The following NOS1AP variants were observed in gnomAD, a reference collection of about 807,000 sequenced individuals.
The protein encoded by NOS1AP is nitric oxide synthase 1 adaptor protein.
Under a neutral mutation model 56.2 loss-of-function variants are expected in NOS1AP, and 21 were observed. The ratio of observed to expected loss-of-function variants is 0.37; its 90% CI spans 0.26 to 0.54. The LOEUF (loss-of-function observed/expected upper bound fraction) is 0.54. Among genes scored for constraint, NOS1AP ranks in the 20% least tolerant of loss-of-function variants. NOS1AP has a pLI of 0.84. For missense variants in NOS1AP, 522 were observed against 657.8 expected (o/e 0.79, Z 2.26); for synonymous variants, 270 against 274.6 (o/e 0.98, Z 0.17).
intron 2 of NOS1AP, among the ~76,000 whole-genome samples, chr1:162,200,186 T>G (rs1651946641): frequency 6.6e-6 from 1 of 152,210 alleles, no homozygotes; most frequent in African/African-American, 2.4e-5. Flanking sequence ...ACTGGTCATC[T>G]GAAAGGGTAC....
intron 2 of NOS1AP, among the ~76,000 whole-genome samples, chr1:162,167,457 A>G (rs1650553350): frequency 6.6e-6 from 1 of 152,256 alleles, no homozygotes; most frequent in Admixed American, 6.5e-5. Context: ...TAGAGGCCAC[A>G]GCGGAGAGAG....
chr1:162,085,226 GTCTT>G (rs1048719216), intron 1 of NOS1AP, among the ~76,000 whole-genome samples: 2 of 152,024 alleles, frequency 1.3e-5, no homozygotes, highest in Non-Finnish European at 2.9e-5. Context: ...CAGCTTGTCT[GTCTT>G]CTCTCCATCT....
At chr1:162,181,080 G>A (rs56153955) in intron 2 of NOS1AP, among the ~76,000 whole-genome samples, 26,506 of 152,152 alleles carry the variant, frequency 0.17, 2,500 homozygotes, top group East Asian at 0.37. Flanking sequence ...TGCAAGTCTT[G>A]CAAAAGATGT....
intron 4 of NOS1AP, among the ~76,000 whole-genome samples, chr1:162,308,116 T>A (rs1655900433): frequency 6.6e-6 from 1 of 151,962 alleles, no homozygotes; most frequent in South Asian, 2.1e-4. Flanking sequence ...AAGAGGAGAG[T>A]ACTCAAGGCA....
chr1:162,359,727 G>GGC (rs1553209767), intron 8 of NOS1AP, among the ~76,000 whole-genome samples: 2 of 151,816 alleles, frequency 1.3e-5, no homozygotes, highest in African/African-American at 4.9e-5. Flanking sequence ...CGCGGGGGGG[G>GGC]GCTGATTTCA....
intron 2 of NOS1AP, among the ~76,000 whole-genome samples, chr1:162,251,440 T>C (rs1198833642): frequency 6.6e-6 from 1 of 152,154 alleles, no homozygotes; most frequent in Non-Finnish European, 1.5e-5. Context: ...AGATCATCTA[T>C]TACTGAGCAA....
At chr1:162,187,158 G>C (rs1400269211) in intron 2 of NOS1AP, among the ~76,000 whole-genome samples, 2 of 151,960 alleles carry the variant, frequency 1.3e-5, no homozygotes, top group African/African-American at 4.8e-5. Context: ...GTAAAGATGG[G>C]GTTTCGTCAT....
At chr1:162,320,063 CT>C (rs1656361380) in intron 4 of NOS1AP, among the ~76,000 whole-genome samples, 1 of 152,166 alleles carries the variant, frequency 6.6e-6, no homozygotes, top group African/African-American at 2.4e-5. Context: ...TTGCCACACC[CT>C]GTCTGTACCC....
intron 3 of NOS1AP, among the ~76,000 whole-genome samples, chr1:162,296,187 T>C (rs1260466617): frequency 2.0e-5 from 3 of 152,156 alleles, no homozygotes; most frequent in Non-Finnish European, 2.9e-5. Flanking sequence ...CTCAGGAGAC[T>C]GAGGCAGGAG....
chr1:162,254,986 G>A (rs1312052003), intron 2 of NOS1AP, among the ~76,000 whole-genome samples: 6 of 152,056 alleles, frequency 3.9e-5, no homozygotes, highest in Non-Finnish European at 8.8e-5. Flanking sequence ...GCTCTTTGTG[G>A]TCCATTTCAG....
chr1:162,287,496 G>C (rs977369169), intron 3 of NOS1AP, 60 bp downstream of exon 3: 2 of 1,103,552 alleles, frequency 1.8e-6, no homozygotes, highest in African/African-American at 3.1e-5. Context: ...TAGGCATGGG[G>C]TACCTTCTTC....
chr1:162,134,485 TAAA>T (rs66940059), intron 1 of NOS1AP, among the ~76,000 whole-genome samples: 8,769 of 92,582 alleles, frequency 0.095, 950 homozygotes, highest in African/African-American at 0.25. Context: ...AGACTTTGTC[TAAA>T]AAAAAAAAAA....
intron 3 of NOS1AP, among the ~76,000 whole-genome samples, chr1:162,290,041 C>A (rs548162495): frequency 1.9e-4 from 29 of 152,262 alleles, no homozygotes; most frequent in Middle Eastern, 3.4e-3. Context: ...GAGAAGCCTC[C>A]CTGCCTCCAC....
At chr1:162,255,948 A>AGT (rs1218444003) in intron 2 of NOS1AP, among the ~76,000 whole-genome samples, 1 of 152,172 alleles carries the variant, frequency 6.6e-6, no homozygotes, top group Admixed American at 6.5e-5. Flanking sequence ...GTTTGAGACC[A>AGT]GTCTGGCTAA....
chr1:162,248,559 G>A (rs1653748326), intron 2 of NOS1AP, among the ~76,000 whole-genome samples: 1 of 152,148 alleles, frequency 6.6e-6, no homozygotes, highest in Non-Finnish European at 1.5e-5. Context: ...AAAAAAGTTT[G>A]CAGCAGAGGA....
chr1:162,182,572 C>T (rs181180169), intron 2 of NOS1AP, among the ~76,000 whole-genome samples: 44 of 152,312 alleles, frequency 2.9e-4, no homozygotes, highest in Admixed American at 8.5e-4. Flanking sequence ...GATAGCATTA[C>T]AGTAGAACTT....
At chr1:162,350,649 A>C (rs1474180010) in intron 6 of NOS1AP, among the ~76,000 whole-genome samples, 1 of 152,244 alleles carries the variant, frequency 6.6e-6, no homozygotes, top group African/African-American at 2.4e-5. Context: ...TTTGAAAATA[A>C]AACTTTTTTT....
chr1:162,103,929 G>A (rs552107118), intron 1 of NOS1AP, among the ~76,000 whole-genome samples: 50 of 152,278 alleles, frequency 3.3e-4, no homozygotes, highest in South Asian at 8.3e-4. Flanking sequence ...ATTGTGATAC[G>A]TGAATTTGAT....
intron 2 of NOS1AP, among the ~76,000 whole-genome samples, chr1:162,253,210 A>T (rs899893636): frequency 2.0e-5 from 3 of 152,022 alleles, no homozygotes; most frequent in Non-Finnish European, 4.4e-5. Flanking sequence ...CCCTCTCCAC[A>T]CTTCTTCCTT....
Sources: allele counts gnomAD v4.1 joint callset (sites outside exome capture counted in the v4.1 genomes callset), GRCh38; gene constraint gnomAD v4.1.1; transcripts MANE v1.5; gene names NCBI Gene and HGNC (gene_info 2026-07-23, HGNC 2026-07-21).